The following PRELID2 variants were observed in gnomAD, a reference collection of about 807,000 sequenced individuals.
PRELID2 encodes the protein PRELI domain-containing protein 2.
In PRELID2, 25 loss-of-function variants were observed where a neutral mutation model predicts 28.4. The ratio of observed to expected loss-of-function variants is 0.88; its 90% CI spans 0.64 to 1.23. The LOEUF (loss-of-function observed/expected upper bound fraction) is 1.23. Ranked by LOEUF, PRELID2 falls within the 50% of genes most tolerant of loss-of-function variation. The probability of loss-of-function intolerance (pLI) is 0.00; values close to 1 mark genes in which losing one functional copy is unlikely to be tolerated. For synonymous variants in PRELID2, 76 were observed against 71.6 expected, an observed-to-expected ratio of 1.06 and a Z score of -0.31; for missense variants, 201 against 214.4, an observed-to-expected ratio of 0.94 and a Z score of 0.39.
chr5:145,819,041 G>A (rs1754571465), intron 3 of PRELID2, among the ~76,000 whole-genome samples: 1 of 152,086 alleles, frequency 6.6e-6, no homozygotes. Context: ...CAGTTCCCCT[G>A]CACACGCTCT....
At chr5:145,581,448 T>G (rs1056826845) in intron 1 of PRELID2, among the ~76,000 whole-genome samples, 1 of 152,040 alleles carries the variant, frequency 6.6e-6, no homozygotes, top group African/African-American at 2.4e-5. Context: ...ACAGTTGAGA[T>G]TTGCATTAAT....
intron 1 of PRELID2, among the ~76,000 whole-genome samples, chr5:145,634,304 C>A (rs1753971714): frequency 6.6e-6 from 1 of 152,178 alleles, no homozygotes; most frequent in South Asian, 2.1e-4. Context: ...ACTCCCAAAG[C>A]AAACACTGCT....
the PRELID2 span, among the ~76,000 whole-genome samples, chr5:145,443,165 G>A: frequency 2.7e-4 from 41 of 152,164 alleles, no homozygotes; most frequent in Middle Eastern, 3.4e-3. Context: ...CTGTTGGCTC[G>A]TTCTGGCAGT....
chr5:145,381,956 G>GT, the PRELID2 span, among the ~76,000 whole-genome samples: 48,508 of 145,564 alleles, frequency 0.33, 7,885 homozygotes, highest in South Asian at 0.53. Context: ...GGATTACTTA[G>GT]TTTTTTTTTT....
chr5:145,316,294 C>T, the PRELID2 span, among the ~76,000 whole-genome samples: 1 of 152,112 alleles, frequency 6.6e-6, no homozygotes, highest in African/African-American at 2.4e-5. Context: ...AGAAAATAGC[C>T]TTTTAGTATT....
intron 1 of PRELID2, among the ~76,000 whole-genome samples, chr5:145,726,436 AT>A (rs1452510454): frequency 6.6e-6 from 1 of 152,220 alleles, no homozygotes; most frequent in Non-Finnish European, 1.5e-5. Context: ...ATCAGTCTAA[AT>A]TTTAGTCAAG....
At chr5:145,596,307 A>C (rs1753305848) in intron 1 of PRELID2, among the ~76,000 whole-genome samples, 1 of 152,104 alleles carries the variant, frequency 6.6e-6, no homozygotes, top group African/African-American at 2.4e-5. Context: ...TTATTAGTGT[A>C]CAAAGAAAAA....
chr5:145,442,156 A>T, the PRELID2 span, among the ~76,000 whole-genome samples: 33 of 152,110 alleles, frequency 2.2e-4, no homozygotes, highest in Non-Finnish European at 4.0e-4. Flanking sequence ...AGCAAAATAG[A>T]TATTTTTGTC....
intron 3 of PRELID2, among the ~76,000 whole-genome samples, chr5:145,818,834 G>A (rs945687695): frequency 1.3e-5 from 2 of 152,160 alleles, no homozygotes; most frequent in Non-Finnish European, 2.9e-5. Context: ...TAATCGGCAG[G>A]AGCCAAGCTG....
intron 1 of PRELID2, among the ~76,000 whole-genome samples, chr5:145,593,979 T>C (rs764027477): frequency 9.3e-4 from 141 of 152,310 alleles, no homozygotes; most frequent in Non-Finnish European, 3.5e-4. Context: ...ATTGTGATAG[T>C]ATTTTTAAAG....
intron 1 of PRELID2, among the ~76,000 whole-genome samples, chr5:145,548,221 T>A (rs1036428828): frequency 6.6e-6 from 1 of 152,228 alleles, no homozygotes; most frequent in African/African-American, 2.4e-5. Flanking sequence ...ACATATTTAC[T>A]AGCCTCTGCC....
chr5:145,480,010 T>C (rs1179754195), intron 1 of PRELID2, among the ~76,000 whole-genome samples: 1 of 152,192 alleles, frequency 6.6e-6, no homozygotes, highest in African/African-American at 2.4e-5. Flanking sequence ...ATATTTCCTT[T>C]CCAGCTTTTT....
the PRELID2 span, among the ~76,000 whole-genome samples, chr5:145,333,332 C>G: frequency 0.22 from 32,983 of 152,152 alleles, 3,879 homozygotes; most frequent in South Asian, 0.33. Context: ...TCAGAGCCAG[C>G]AGGCAGGAAT....
chr5:145,394,517 G>T, the PRELID2 span, among the ~76,000 whole-genome samples: 1 of 151,856 alleles, frequency 6.6e-6, no homozygotes, highest in Non-Finnish European at 1.5e-5. Context: ...CACCAACATG[G>T]CACATGTATA....
intron 1 of PRELID2, among the ~76,000 whole-genome samples, chr5:145,644,656 C>T (rs1754166526): frequency 6.6e-6 from 1 of 152,160 alleles, no homozygotes; most frequent in South Asian, 2.1e-4. Context: ...GCATTTCATG[C>T]TATAAATTTC....
chr5:145,436,367 C>T, the PRELID2 span, among the ~76,000 whole-genome samples: 1,011 of 152,168 alleles, frequency 6.6e-3, 6 homozygotes, highest in Middle Eastern at 0.044. Flanking sequence ...CATGTCTTTA[C>T]TATTGTGAAT....
intron 1 of PRELID2, among the ~76,000 whole-genome samples, chr5:145,554,912 T>C (rs1313338909): frequency 1.3e-5 from 2 of 152,214 alleles, no homozygotes; most frequent in African/African-American, 4.8e-5. Context: ...AGAAGAGTTT[T>C]AGGCAATTCA....
intron 1 of PRELID2, among the ~76,000 whole-genome samples, chr5:145,563,508 T>C (rs1184052810): frequency 6.6e-6 from 1 of 152,212 alleles, no homozygotes; most frequent in Non-Finnish European, 1.5e-5. Context: ...AACCTTAAAC[T>C]TTCCAGATGA....
intron 1 of PRELID2, among the ~76,000 whole-genome samples, chr5:145,572,726 C>G (rs1421864600): frequency 6.6e-6 from 1 of 152,126 alleles, no homozygotes; most frequent in Non-Finnish European, 1.5e-5. Context: ...CATCCCTGTA[C>G]CTGCCTCCTT....
Sources: gnomAD v4.1 joint callset for allele counts (sites outside exome capture counted in the v4.1 genomes callset) on GRCh38, gnomAD v4.1.1 for gene constraint, MANE v1.5 for transcripts, NCBI Gene and HGNC (gene_info 2026-07-23, HGNC 2026-07-21) for gene names.